OPCML: variants seen among roughly 807,000 people sequenced by gnomAD.
The protein encoded by OPCML is opioid-binding protein/cell adhesion molecule.
A neutral mutation model predicts 37.8 loss-of-function variants in OPCML; 13 were observed. The observed-to-expected ratio is 0.34, with a 90% CI of 0.22 to 0.55. The LOEUF (loss-of-function observed/expected upper bound fraction) is 0.55. Ranked by LOEUF, OPCML falls within the 20% of genes least tolerant of loss-of-function variation. The pLI is 0.91. For synonymous variants in OPCML, 176 were observed against 168.8 expected, an observed-to-expected ratio of 1.04 and a Z score of -0.33; for missense variants, 341 against 435.6, an observed-to-expected ratio of 0.78 and a Z score of 1.93.
intron 2 of OPCML, among the ~76,000 whole-genome samples, chr11:132,934,000 G>A (rs1945292058): frequency 6.6e-6 from 1 of 152,118 alleles, no homozygotes; most frequent in Non-Finnish European, 1.5e-5. Context: ...TGACCAGGAG[G>A]CAACAGTGGA....
intron 1 of OPCML, among the ~76,000 whole-genome samples, chr11:133,100,908 G>T (rs1455855853): frequency 2.0e-5 from 3 of 151,780 alleles, no homozygotes; most frequent in Non-Finnish European, 3.0e-5. Flanking sequence ...ATACAACAAT[G>T]TGTTATTTTT....
At chr11:133,306,758 A>C (rs187967179) in intron 1 of OPCML, among the ~76,000 whole-genome samples, 7 of 152,322 alleles carry the variant, frequency 4.6e-5, no homozygotes, top group Admixed American at 2.0e-4. Context: ...ACAGGGAAAG[A>C]CATTCTACAA....
At chr11:132,456,986 G>A (rs1425465879) in intron 4 of OPCML, among the ~76,000 whole-genome samples, 1 of 152,176 alleles carries the variant, frequency 6.6e-6, no homozygotes, top group African/African-American at 2.4e-5. Context: ...GATGACAATA[G>A]AATGTGGCTC....
In OPCML at chr11:133,112,299, AAAAAAAAAAAAG is replaced by A. The variant is rs767297091; in HGVS notation, c.62-169301_62-169290del. On this transcript the variant is annotated intron_variant, in intron 1 of 7. Transcript: ENST00000524381. ...TGACTCTTGGCCAAAAAAAAAAAAA[AAAAAAAAAAAAG>A]GGGAAAGAAACAAAATATCTCATAT... 2.5e-3 allele frequency among the ~76,000 whole-genome samples: 374 copies of A among 147,220 alleles called. 3 individuals carry two copies. The highest frequency in any genetic ancestry group is 3.8e-3 in the Non-Finnish European group (258 of 67,120).
chr11:133,089,264 G>A (rs1431601678), intron 1 of OPCML, among the ~76,000 whole-genome samples: 2 of 152,144 alleles, frequency 1.3e-5, no homozygotes, highest in Non-Finnish European at 2.9e-5. Context: ...CATACATTAT[G>A]CCAAAAGAAG....
chr11:132,521,682 G>T (rs970571168), intron 4 of OPCML, among the ~76,000 whole-genome samples: 2 of 151,900 alleles, frequency 1.3e-5, no homozygotes, highest in African/African-American at 4.8e-5. Context: ...CTAGATGATG[G>T]GTTGATAGGT....
chr11:133,349,956 T>C (rs1944092713), intron 1 of OPCML, among the ~76,000 whole-genome samples: 1 of 152,188 alleles, frequency 6.6e-6, no homozygotes, highest in Non-Finnish European at 1.5e-5. Flanking sequence ...TGGACACAGG[T>C]CAATGGTCTG....
chr11:133,137,269 C>G (rs1197402078), intron 1 of OPCML, among the ~76,000 whole-genome samples: 1 of 152,156 alleles, frequency 6.6e-6, no homozygotes, highest in African/African-American at 2.4e-5. Context: ...TTTTGGAAGG[C>G]TGGTGAATGA....
chr11:133,191,510 T>G (rs538173005), intron 1 of OPCML, among the ~76,000 whole-genome samples: 1 of 147,186 alleles, frequency 6.8e-6, no homozygotes, highest in Admixed American at 6.7e-5. Context: ...TGTGGGTGTG[T>G]GTGTGTGTGT....
In OPCML at chr11:133,074,958, C is replaced by T. The variant is rs185557510; in HGVS notation, c.62-131948G>A. On this transcript the variant is annotated intron_variant, in intron 1 of 7. Transcript: ENST00000524381. ...CTGTCTGTCCACCATCATACTTTCT[C>T]GCAGGCATCCTCAGCTCACCAGGAA... Among the ~76,000 whole-genome samples, 23 of 152,246 alleles carry T rather than the reference C, an allele frequency of 1.5e-4. No homozygotes were observed. In the East Asian group the frequency reaches 3.1e-3, roughly 21 times the overall value.
chr11:133,250,604 A>T (rs943205962), intron 1 of OPCML, among the ~76,000 whole-genome samples: 1 of 152,152 alleles, frequency 6.6e-6, no homozygotes, highest in African/African-American at 2.4e-5. Context: ...ATTTTAGAAA[A>T]TGCAATTTAA....
chr11:132,902,094 C>T (rs1283791715), intron 2 of OPCML, among the ~76,000 whole-genome samples: 1 of 152,134 alleles, frequency 6.6e-6, no homozygotes, highest in Non-Finnish European at 1.5e-5. Context: ...GATGAAAAAC[C>T]GTCCAGTGGG....
intron 1 of OPCML, among the ~76,000 whole-genome samples, chr11:133,049,689 T>C (rs912186588): frequency 1.3e-5 from 2 of 152,232 alleles, no homozygotes; most frequent in Admixed American, 1.3e-4. Flanking sequence ...TCTTATAATC[T>C]GATTTGTAAC....
At chr11:133,109,420 C>A (rs551432577) in intron 1 of OPCML, among the ~76,000 whole-genome samples, 1 of 152,210 alleles carries the variant, frequency 6.6e-6, no homozygotes, top group Admixed American at 6.5e-5. Flanking sequence ...ATCAGAGTGC[C>A]CTTTTTTCAA....
intron 1 of OPCML, among the ~76,000 whole-genome samples, chr11:133,168,074 T>G (rs1950237573): frequency 6.6e-6 from 1 of 152,170 alleles, no homozygotes; most frequent in African/African-American, 2.4e-5. Context: ...AAGTGAGAAG[T>G]GATTCAGTGA....
At position 133,136,781 on chromosome 11, in the gene OPCML, G is replaced by T. The variant is rs535097846; in HGVS notation, c.62-193771C>A. Among the ~76,000 whole-genome samples, 163 of 151,314 alleles carry T rather than the reference G, an allele frequency of 1.1e-3. 1 individual carries two copies. The Middle Eastern group carries it at 0.027, about 25-fold the overall frequency. On this transcript the variant is annotated intron_variant, in intron 1 of 7. Transcript: ENST00000524381. ...GGCTCGATTTCGAAGAACCTAAAAT[G>T]TTGGGCTTTGTTAGTTAAGGAAATA...
At chr11:132,547,644 C>T (rs2096371718) in intron 3 of OPCML, among the ~76,000 whole-genome samples, 1 of 152,146 alleles carries the variant, frequency 6.6e-6, no homozygotes, top group African/African-American at 2.4e-5. Flanking sequence ...TAGCATACCA[C>T]TCATTTTATT....
chr11:132,990,169 G>T (rs539393711), intron 1 of OPCML, among the ~76,000 whole-genome samples: 12 of 152,278 alleles, frequency 7.9e-5, no homozygotes, highest in African/African-American at 2.9e-4. Context: ...ATTCCAGAAA[G>T]ATGCTTTCCA....
At chr11:132,625,421 C>T (rs1036355642) in intron 3 of OPCML, among the ~76,000 whole-genome samples, 1 of 152,150 alleles carries the variant, frequency 6.6e-6, no homozygotes, top group African/African-American at 2.4e-5. Context: ...CCTCTGTCAG[C>T]ACTAATATCC....
Sources: allele counts gnomAD v4.1 joint callset (sites outside exome capture counted in the v4.1 genomes callset), GRCh38; gene constraint gnomAD v4.1.1; transcripts MANE v1.5; gene names NCBI Gene and HGNC (gene_info 2026-07-23, HGNC 2026-07-21).